Variants in POGLUT1 observed in about 807,000 individuals in gnomAD.
The protein encoded by POGLUT1 is 9630046K23Rik.
In POGLUT1, 32 loss-of-function variants were observed where a neutral mutation model predicts 61.3. The observed-to-expected ratio is 0.52, with a 90% CI of 0.39 to 0.70. The LOEUF is 0.70. Ranked by LOEUF, POGLUT1 falls within the 30% of genes least tolerant of loss-of-function variation. POGLUT1 has a pLI of 0.00. For missense variants in POGLUT1, 411 were observed against 469.8 expected, an observed-to-expected ratio of 0.87 and a Z score of 1.16; for synonymous variants, 158 against 158.2, an observed-to-expected ratio of 1.00 and a Z score of 0.01.
chr3:119,485,292 A>T, intron 5 of POGLUT1, 36 bp from the exon 6 acceptor site: 1 of 1,280,998 alleles, frequency 7.8e-7, no homozygotes, highest in South Asian at 1.3e-5. Context: ...TAGTTGAAAA[A>T]GATATATTGA....
chr3:119,469,659 A>G (rs1390762122), intron 1 of POGLUT1, among the ~76,000 whole-genome samples, 161 bp from the exon 2 acceptor site: 1 of 152,156 alleles, frequency 6.6e-6, no homozygotes, highest in East Asian at 1.9e-4. Flanking sequence ...TGAGCGTGGG[A>G]GTTGCACACA....
chr3:119,492,198 G>C, intron 10 of POGLUT1, 84 bp from the exon 11 acceptor site: 1 of 961,014 alleles, frequency 1.0e-6, no homozygotes, highest in Non-Finnish European at 1.5e-6. Context: ...AATAATGCTT[G>C]GCACAAGGTG....
At chr3:119,478,439 T>C (rs1366171320) in intron 4 of POGLUT1, 2 of 456,526 alleles carry the variant, frequency 4.4e-6, no homozygotes, top group Non-Finnish European at 8.8e-6. Context: ...TTGTTTGTCA[T>C]GAAACTCACT....
chr3:119,491,168 ATATT>A (rs2081739727), intron 9 of POGLUT1, among the ~76,000 whole-genome samples: 1 of 148,060 alleles, frequency 6.8e-6, no homozygotes, highest in Non-Finnish European at 1.5e-5. Context: ...CTGTGTATAT[ATATT>A]TTTTTTCTAT....
intron 1 of POGLUT1, 76 bp from the exon 2 acceptor site, chr3:119,469,744 T>A: frequency 1.3e-6 from 1 of 747,060 alleles, no homozygotes; most frequent in Non-Finnish European, 2.4e-6. Context: ...GGTCTTCTGT[T>A]TCTTCTGTTG....
At position 119,485,390 on chromosome 3, in the gene POGLUT1, G is replaced by T; in HGVS notation, c.638+3G>T. ...ACAGCATATTTCCGAGGATCAAGGTGAGTTATTTTCTGACATTTTACAAAG... is the reference window on the plus strand; with the variant it reads ...ACAGCATATTTCCGAGGATCAAGGTTAGTTATTTTCTGACATTTTACAAAG... On this transcript the variant is annotated splice_donor_region_variant and intron_variant, in intron 6 of 10. Coordinates refer to ENST00000295588, the MANE Select transcript of POGLUT1 (RefSeq NM_152305.3). 1 of 1,597,506 alleles carries T rather than the reference G, an allele frequency of 6.3e-7. No homozygotes were observed. The highest frequency in any genetic ancestry group is 1.1e-5 in the South Asian group (1 of 89,970).
At chr3:119,485,706 G>A (rs1577085288) in intron 6 of POGLUT1, among the ~76,000 whole-genome samples, 1 of 152,216 alleles carries the variant, frequency 6.6e-6, no homozygotes, top group East Asian at 1.9e-4. Context: ...GTCCCTAGGA[G>A]TAGCTTATGA....
intron 1 of POGLUT1, 124 bp downstream of exon 1, chr3:119,469,230 G>T: frequency 2.7e-6 from 2 of 753,076 alleles, no homozygotes; most frequent in Non-Finnish European, 4.5e-6. Flanking sequence ...GAGCTGGGCA[G>T]AAGGCACCGG....
chr3:119,478,943 G>A (rs2081574846), intron 4 of POGLUT1, among the ~76,000 whole-genome samples: 1 of 145,310 alleles, frequency 6.9e-6, no homozygotes, highest in Non-Finnish European at 1.5e-5. Flanking sequence ...TCTTTTTTTT[G>A]AGGCAGAGTC....
intron 9 of POGLUT1, 51 bp from the exon 10 acceptor site, chr3:119,491,467 T>C (rs1263004964): frequency 3.6e-6 from 3 of 828,070 alleles, no homozygotes; most frequent in Non-Finnish European, 6.0e-6. Context: ...TCTGACTTAG[T>C]GCCAATGAAG....
At chr3:119,488,242 G>A (rs752509832) in intron 7 of POGLUT1, 7 of 152,154 alleles carry the variant, frequency 4.6e-5, no homozygotes, top group Non-Finnish European at 1.0e-4. Context: ...GGCTGCAGAA[G>A]CAAACAAAAC....
At chr3:119,473,506 C>G (rs2081501036) in intron 3 of POGLUT1, among the ~76,000 whole-genome samples, 1 of 152,114 alleles carries the variant, frequency 6.6e-6, no homozygotes, top group Non-Finnish European at 1.5e-5. Context: ...AGTTCCCTAT[C>G]CTAGCTACAT....
intron 2 of POGLUT1, among the ~76,000 whole-genome samples, chr3:119,470,687 A>C (rs1339663864): frequency 6.6e-6 from 1 of 152,236 alleles, no homozygotes; most frequent in Non-Finnish European, 1.5e-5. Flanking sequence ...CCCTGTGCCG[A>C]GCCACTTCAA....
In POGLUT1 at chr3:119,471,350, C is replaced by G. The variant is rs2081470594; in HGVS notation, c.218C>G (p.Ser73Cys). The G allele has an allele frequency of 6.2e-6, 10 of 1,613,668 alleles. No homozygotes were observed. The East Asian group carries it at 2.2e-4, about 36-fold the overall frequency. ...CTAACTCCTTTCCGAGGAGGCATCT[C>G]CAGGAAGATGATGGCAGAGGTAGTC... ...EDLTPFRGGI[S>C]RKMMAEVVRR... The change falls in exon 3 of 11, where the codon TCC (serine) becomes TGC (cysteine). Residue 73 changes from serine (S) to cysteine (C), a missense_variant. Transcript: ENST00000295588.
intron 5 of POGLUT1, among the ~76,000 whole-genome samples, chr3:119,485,098 T>C (rs1005816919): frequency 1.4e-4 from 22 of 151,982 alleles, no homozygotes; most frequent in African/African-American, 5.1e-4. Flanking sequence ...GCGCCTGTGG[T>C]CCCAGCTACT....
chr3:119,468,975 G>C lies in POGLUT1; in HGVS notation c.-47G>C, dbSNP rs763171632. 6.5e-7 allele frequency: 1 copy of C among 1,533,292 alleles called. No homozygotes were observed. Among genetic ancestry groups the C allele is most frequent in the Non-Finnish European group, 8.9e-7 (1 of 1,126,642 alleles). The allele number at this position is 1,533,292 out of a possible 1,614,324, so 95.0% of individuals were successfully genotyped here. A position where few individuals can be genotyped will look rare whatever the true frequency, so the allele number is the denominator to read the frequency against. ...CCGGGCCATCTTTGTGCGGGGCCGC[G>C]CTTCCGCCAGCGCCGCAGCGGGGAA... On this transcript the variant is annotated 5_prime_UTR_variant, in exon 1 of 11. Transcript: ENST00000295588.
intron 3 of POGLUT1, among the ~76,000 whole-genome samples, chr3:119,476,118 C>G (rs1197588287): frequency 6.6e-6 from 1 of 152,154 alleles, no homozygotes; most frequent in African/African-American, 2.4e-5. Flanking sequence ...GATCATGCCA[C>G]TGCACTCTTC....
Position 119,486,851 on chromosome 3 carries a change from T to A in POGLUT1, c.657T>A (p.Asp219Glu), listed in dbSNP as rs948615823. ...TTTATAGGACAAGTCCAGAACGAGA[T>A]CCTCTCATTCTTCTGTCTCGGAAAA... ...FRGSRTSPERDPLILLSRKNP... is the reference protein window; with the variant it reads ...FRGSRTSPEREPLILLSRKNP... Residue 219 changes from aspartate to glutamate, a missense_variant, in exon 7 of 11, where the codon GAT becomes GAA. Physicochemically the swap from Asp to Glu is conservative, Grantham distance 45 (BLOSUM62 2). Transcript: ENST00000295588. 1.2e-6 allele frequency: 2 copies of A among 1,610,478 alleles called. No individual in the cohort carries two copies. The highest frequency in any genetic ancestry group is 1.7e-5 in the Admixed American group (1 of 60,028).
intron 5 of POGLUT1, among the ~76,000 whole-genome samples, chr3:119,481,893 GA>G (rs1420853729): frequency 6.6e-6 from 1 of 152,024 alleles, no homozygotes; most frequent in East Asian, 1.9e-4. Context: ...ATAATTTTGA[GA>G]GGGGGGGAAA....
Sources: allele counts gnomAD v4.1 joint callset (sites outside exome capture counted in the v4.1 genomes callset), GRCh38; gene constraint gnomAD v4.1.1; transcripts MANE v1.5; gene names NCBI Gene and HGNC (gene_info 2026-07-23, HGNC 2026-07-21).